TNR: variants seen among roughly 807,000 people sequenced by gnomAD.
TNR encodes tenascin-R.
In TNR, 45 loss-of-function variants were observed where a neutral mutation model predicts 150.4. The observed-to-expected ratio is 0.30, with a 90% CI of 0.24 to 0.38. The LOEUF (loss-of-function observed/expected upper bound fraction) is 0.38. Among genes scored for constraint, TNR ranks in the 10% least tolerant of loss-of-function variants. The probability of loss-of-function intolerance (pLI) is 1.00; values close to 1 mark genes in which losing one functional copy is unlikely to be tolerated. For missense variants in TNR, 1,544 were observed against 1,759.1 expected, an observed-to-expected ratio of 0.88 and a Z score of 2.19; for synonymous variants, 687 against 678.4, an observed-to-expected ratio of 1.01 and a Z score of -0.20.
chr1:175,522,159 G>A (rs1182601856), intron 2 of TNR, among the ~76,000 whole-genome samples: 4 of 152,046 alleles, frequency 2.6e-5, no homozygotes, highest in Middle Eastern at 3.2e-3. Context: ...CAGGCTGGCG[G>A]CACTCGAAGC....
intron 1 of TNR, among the ~76,000 whole-genome samples, chr1:175,611,326 C>T (rs192999700): frequency 6.6e-6 from 1 of 151,902 alleles, no homozygotes; most frequent in Non-Finnish European, 1.5e-5. Context: ...TCTCCATTTC[C>T]TTCGTTTCTA....
At chr1:175,687,678 A>G (rs537614654) in intron 1 of TNR, among the ~76,000 whole-genome samples, 1 of 152,154 alleles carries the variant, frequency 6.6e-6, no homozygotes, top group South Asian at 2.1e-4. Context: ...TCTTTTCGAA[A>G]GACAATAATG....
At chr1:175,390,251 G>T (rs970472141) in intron 7 of TNR, among the ~76,000 whole-genome samples, 19 of 152,214 alleles carry the variant, frequency 1.2e-4, no homozygotes, top group African/African-American at 4.3e-4. Context: ...ACATTGTGTT[G>T]TGGTTCTCAT....
At chr1:175,402,412 A>T (rs1653756336) in intron 4 of TNR, among the ~76,000 whole-genome samples, 1 of 145,766 alleles carries the variant, frequency 6.9e-6, no homozygotes, top group African/African-American at 2.6e-5. Flanking sequence ...TTAGTACATC[A>T]TCCTTCTATC....
intron 1 of TNR, among the ~76,000 whole-genome samples, chr1:175,661,114 T>TGCC (rs1665355902): frequency 6.6e-6 from 1 of 152,168 alleles, no homozygotes. Flanking sequence ...CTCACACTTA[T>TGCC]TTCCTGAGCT....
Position 175,708,038 on chromosome 1 carries a change from G to A in TNR, c.-165+35188C>T, listed in dbSNP as rs757569527. Among the ~76,000 whole-genome samples the A allele has an allele frequency of 9.8e-4, 148 of 150,306 alleles. 1 individual carries two copies. The Middle Eastern group carries it at 0.014, about 14-fold the overall frequency. ...TGTGTTTGTGTGTGTGTGTGTGTGTGTGTGTGTGTGTGTGTGTGTGTATTT... is the reference window on the plus strand; with the variant it reads ...TGTGTTTGTGTGTGTGTGTGTGTGTATGTGTGTGTGTGTGTGTGTGTATTT... On this transcript the variant is annotated intron_variant, in intron 1 of 22. Transcript: ENST00000367674.
chr1:175,680,613 G>A (rs1374956662), intron 1 of TNR, among the ~76,000 whole-genome samples: 1 of 152,104 alleles, frequency 6.6e-6, no homozygotes, highest in Non-Finnish European at 1.5e-5. Flanking sequence ...CGAAGGCTGG[G>A]GAAATGCAAG....
intron 1 of TNR, among the ~76,000 whole-genome samples, chr1:175,558,273 A>T (rs1326891247): frequency 2.5e-5 from 2 of 81,328 alleles, no homozygotes; most frequent in East Asian, 5.7e-4. Flanking sequence ...AAAGTATAAT[A>T]ATAAAAAAAA....
chr1:175,387,817 T>A (rs1653003905), intron 7 of TNR, among the ~76,000 whole-genome samples: 1 of 152,222 alleles, frequency 6.6e-6, no homozygotes, highest in Non-Finnish European at 1.5e-5. Flanking sequence ...ACCTTGAGGC[T>A]TTCAGTTTTT....
intron 9 of TNR, among the ~76,000 whole-genome samples, chr1:175,371,861 G>A (rs1652120031): frequency 6.6e-6 from 1 of 152,198 alleles, no homozygotes; most frequent in Admixed American, 6.5e-5. Flanking sequence ...AGGCCAGGAG[G>A]AAGGAGTGGA....
At chr1:175,524,111 C>T (rs1659755198) in intron 2 of TNR, among the ~76,000 whole-genome samples, 3 of 152,126 alleles carry the variant, frequency 2.0e-5, no homozygotes, top group Non-Finnish European at 2.9e-5. Flanking sequence ...TCCCACCCTG[C>T]CTCTCTATAG....
intron 1 of TNR, among the ~76,000 whole-genome samples, chr1:175,584,033 C>A (rs1662472059): frequency 6.6e-6 from 1 of 152,258 alleles, no homozygotes. Flanking sequence ...GGCTCAAATA[C>A]CTCATCTGTA....
At chr1:175,669,483 T>C (rs1571734155) in intron 1 of TNR, among the ~76,000 whole-genome samples, 1 of 152,230 alleles carries the variant, frequency 6.6e-6, no homozygotes, top group Non-Finnish European at 1.5e-5. Flanking sequence ...CAGAGCGCCA[T>C]TGCACCAAGG....
rs562024236 is a variant in TNR, at chr1:175,480,821, C to T, written c.-64+47448G>A. 1.6e-3 allele frequency among the ~76,000 whole-genome samples: 243 copies of T among 152,180 alleles called. 1 individual carries two copies. Among genetic ancestry groups the T allele is most frequent in the Non-Finnish European group, 3.1e-3 (212 of 67,996 alleles). ...CTCCAAGTGCCTAATGGCTTAAATT[C>T]CCCCCTGCCTTTTTTAGCTCTTTGA... is the stretch of plus-strand genomic sequence containing the variant. On this transcript the variant is annotated intron_variant, in intron 2 of 22. Transcript: ENST00000367674.
chr1:175,576,829 G>C (rs944423480), intron 1 of TNR, among the ~76,000 whole-genome samples: 35 of 152,058 alleles, frequency 2.3e-4, no homozygotes, highest in African/African-American at 8.0e-4. Context: ...CCAAAATAAG[G>C]CTCCTCTTCC....
intron 1 of TNR, among the ~76,000 whole-genome samples, chr1:175,582,802 A>C (rs1662409320): frequency 6.6e-6 from 1 of 152,178 alleles, no homozygotes; most frequent in South Asian, 2.1e-4. Flanking sequence ...GAACCTTTAC[A>C]AGGTGATTAA....
Position 175,403,330 on chromosome 1 carries a change from C to T in TNR, c.786G>A (p.Arg262=). The change falls in exon 4 of 23, where the codon AGG becomes AGA. Residue 262 remains arginine (R), a synonymous_variant. Transcript: ENST00000367674. ...AACAGTCCCCAGGGCACCTCAGTTC[C>T]CTGCAGTCCTCGCCAGTGTAGGGCT... ...CEEPYTGEDC[R]ELRCPGDCSG... 1 of 1,614,192 alleles carries T rather than the reference C, an allele frequency of 6.2e-7. No individual in the cohort carries two copies.
chr1:175,677,176 G>C (rs1241240323), intron 1 of TNR, among the ~76,000 whole-genome samples: 1 of 152,248 alleles, frequency 6.6e-6, no homozygotes, highest in Non-Finnish European at 1.5e-5. Flanking sequence ...CTGCACTGCT[G>C]TTCCTTAACT....
chr1:175,377,735 C>T (rs976758702), intron 9 of TNR, among the ~76,000 whole-genome samples: 1 of 152,110 alleles, frequency 6.6e-6, no homozygotes, highest in Non-Finnish European at 1.5e-5. Flanking sequence ...CCCTTGTTTA[C>T]CGTATGCACT....
Sources: gnomAD v4.1 joint callset for allele counts (sites outside exome capture counted in the v4.1 genomes callset) on GRCh38, gnomAD v4.1.1 for gene constraint, MANE v1.5 for transcripts, NCBI Gene and HGNC (gene_info 2026-07-23, HGNC 2026-07-21) for gene names.